The following MPDZ variants were observed in gnomAD, a reference collection of about 807,000 sequenced individuals.
MPDZ encodes multiple PDZ domain crumbs cell polarity complex component, also known as multiple PDZ domain protein.
Under a neutral mutation model 239.1 loss-of-function variants are expected in MPDZ, and 234 were observed. That is an observed-to-expected ratio of 0.98 (90% CI 0.88 to 1.09). The LOEUF is 1.09. MPDZ is among the 50% of genes least tolerant of loss of function. The pLI is 0.00. For missense variants in MPDZ, 3,175 were observed against 2,510.0 expected, an observed-to-expected ratio of 1.26 and a Z score of -5.66; for synonymous variants, 1,048 against 881.3, an observed-to-expected ratio of 1.19 and a Z score of -3.35.
chr9:13,109,728 A>C (rs575266475), intron 45 of MPDZ, among the ~76,000 whole-genome samples: 2 of 152,210 alleles, frequency 1.3e-5, no homozygotes, highest in Non-Finnish European at 2.9e-5. Context: ...AGTAGCACGC[A>C]TATCTATCTA....
intron 43 of MPDZ, among the ~76,000 whole-genome samples, chr9:13,111,277 G>C (rs937452065): frequency 6.6e-6 from 1 of 152,272 alleles, no homozygotes; most frequent in Non-Finnish European, 1.5e-5. Flanking sequence ...AAAATATTCA[G>C]TATCTGTCCT....
In MPDZ at chr9:13,126,664, G is replaced by GA. The variant is rs1210741226; in HGVS notation, c.4557+15dup. ...CTCCCCAACTACTTAATGACAGCAA[G>GA]AAAGGTAAACCTCACCGTGGCTGCT... On this transcript the variant is annotated intron_variant, in intron 33 of 46. Transcript: ENST00000319217. The GA allele has an allele frequency of 4.3e-6, 7 of 1,612,818 alleles. No individual in the cohort carries two copies. The highest frequency in any genetic ancestry group is 5.1e-6 in the Non-Finnish European group (6 of 1,179,038).
chr9:13,222,284 T>A lies in MPDZ; in HGVS notation c.696A>T (p.Ile232=). 6.2e-7 allele frequency: 1 copy of A among 1,612,872 alleles called. No individual in the cohort carries two copies. Among genetic ancestry groups the A allele is most frequent in the Non-Finnish European group, 8.5e-7 (1 of 1,179,258 alleles). ...RGSLPQLVSP[I]VSRSPSAAST... ...TGGCTGCAGATGGAGAACGGGAAAC[T>A]ATGGGGCTGACAAGCTGAGGCAATG... Residue 232 remains isoleucine (I), a synonymous_variant, in exon 6 of 47, where the codon ATA becomes ATT. Coordinates refer to ENST00000319217, the MANE Select transcript of MPDZ (RefSeq NM_001378778.1).
chr9:13,143,405 T>C, intron 27 of MPDZ, 61 bp downstream of exon 27: 6 of 1,270,156 alleles, frequency 4.7e-6, no homozygotes, highest in Non-Finnish European at 6.9e-6. Flanking sequence ...GACACAGTAG[T>C]AACAAAGAAC....
At chr9:13,213,396 A>G (rs1235193049) in intron 10 of MPDZ, among the ~76,000 whole-genome samples, 1 of 152,010 alleles carries the variant, frequency 6.6e-6, no homozygotes, top group African/African-American at 2.4e-5. Flanking sequence ...TAATCTCATC[A>G]CTTCAACAAC....
intron 1 of MPDZ, among the ~76,000 whole-genome samples, chr9:13,270,969 G>A (rs577394875): frequency 1.4e-3 from 215 of 152,234 alleles, no homozygotes; most frequent in Non-Finnish European, 2.3e-3. Flanking sequence ...GCAAGTGGGT[G>A]AGGAATATTT....
intron 21 of MPDZ, among the ~76,000 whole-genome samples, chr9:13,174,544 A>C (rs1167025700): frequency 6.6e-6 from 1 of 152,186 alleles, no homozygotes; most frequent in Non-Finnish European, 1.5e-5. Flanking sequence ...TGAGATGTAA[A>C]AAGAAACCCG....
intron 1 of MPDZ, among the ~76,000 whole-genome samples, chr9:13,252,811 T>G (rs1031139725): frequency 2.6e-5 from 4 of 152,038 alleles, no homozygotes; most frequent in African/African-American, 9.7e-5. Flanking sequence ...GCTACAAAAG[T>G]ATGTTTAATC....
intron 32 of MPDZ, among the ~76,000 whole-genome samples, chr9:13,131,654 C>T (rs1254369122): frequency 2.0e-5 from 3 of 152,160 alleles, no homozygotes; most frequent in Non-Finnish European, 2.9e-5. Context: ...AATTCTGAGA[C>T]GTGACCAGCT....
rs566405556 is a variant in MPDZ at position 13,252,395 on chromosome 9, G to A, written c.-57-2023C>T. Among the ~76,000 whole-genome samples, 11 of 150,914 alleles carry A rather than the reference G, an allele frequency of 7.3e-5. No individual in the cohort carries two copies. In the South Asian group the frequency reaches 2.3e-3, roughly 32 times the overall value. On this transcript the variant is annotated intron_variant, in intron 1 of 46. Coordinates refer to ENST00000319217, the MANE Select transcript of MPDZ (RefSeq NM_001378778.1). ...ATCCTGGCCAACATGGTGAAACCCT[G>A]TCTCTACTAAAAATACAAAAATTAG...
rs147691591 is a variant in MPDZ at position 13,175,036 on chromosome 9, C to CAG, written c.3055+714_3055+715dup. Among the ~76,000 whole-genome samples the CAG allele has an allele frequency of 7.3e-3, 1,116 of 152,240 alleles. 16 individuals are homozygous for CAG. The highest frequency in any genetic ancestry group is 0.026 in the African/African-American group (1,069 of 41,542). The stretch of plus-strand genomic sequence containing the variant: ...AAAGGATCTCTGATGCTGAATTAAC[C>CAG]AGAGTCTTGGGCTGCATTTGGACAC... On this transcript the variant is annotated intron_variant, in intron 21 of 46. Coordinates refer to ENST00000319217, the MANE Select transcript of MPDZ (RefSeq NM_001378778.1).
At chr9:13,216,631 G>T in intron 10 of MPDZ, 143 bp downstream of exon 10, 1 of 546,456 alleles carries the variant, frequency 1.8e-6, no homozygotes, top group Non-Finnish European at 3.2e-6. Context: ...TAATAGAAAG[G>T]GTAATTGTAA....
chr9:13,136,672 AC>A, intron 30 of MPDZ, 39 bp downstream of exon 30: 1 of 1,277,344 alleles, frequency 7.8e-7, no homozygotes, highest in Non-Finnish European at 1.1e-6. Context: ...AGAAATGCTA[AC>A]AAAAAGTATT....
chr9:13,142,325 C>T (rs1947827740), intron 27 of MPDZ, among the ~76,000 whole-genome samples: 1 of 152,050 alleles, frequency 6.6e-6, no homozygotes. Context: ...AAATGGTGCC[C>T]TAACCTACCT....
chr9:13,237,720 T>A (rs962665133), intron 3 of MPDZ, among the ~76,000 whole-genome samples: 2 of 152,116 alleles, frequency 1.3e-5, no homozygotes, highest in Admixed American at 6.6e-5. Context: ...ATAATAAAAT[T>A]TGAGCTTTCA....
chr9:13,159,632 G>T (rs1025823303), intron 23 of MPDZ, among the ~76,000 whole-genome samples: 1 of 152,088 alleles, frequency 6.6e-6, no homozygotes, highest in Non-Finnish European at 1.5e-5. Context: ...GGCAGGGGAT[G>T]GGGGGAGGTC....
chr9:13,206,058 T>C lies in MPDZ; in HGVS notation c.1332A>G (p.Ala444=), dbSNP rs923483393. 4.3e-6 allele frequency: 7 copies of C among 1,611,728 alleles called. No homozygotes were observed. The African/African-American group carries it at 5.4e-5, about 12-fold the overall frequency. The change falls in exon 11 of 47, where the codon GCA becomes GCG. Residue 444 remains alanine, a synonymous_variant. Coordinates refer to ENST00000319217, the MANE Select transcript of MPDZ (RefSeq NM_001378778.1). ...GTCCTGTATGTCGCAATACCTCTAC[T>C]GCTTGCTGATTAGTAAAACCCTGAA... ...TNLQGFTNQQ[A]VEVLRHTGQT...
At chr9:13,256,424 A>G (rs1021521682) in intron 1 of MPDZ, among the ~76,000 whole-genome samples, 1 of 152,212 alleles carries the variant, frequency 6.6e-6, no homozygotes, top group Non-Finnish European at 1.5e-5. Flanking sequence ...CTTTCAGCCT[A>G]TCTCTACTTT....
intron 13 of MPDZ, among the ~76,000 whole-genome samples, chr9:13,194,100 A>G (rs1335514210): frequency 1.3e-5 from 2 of 152,158 alleles, no homozygotes; most frequent in African/African-American, 2.4e-5. Context: ...AATAATGTCC[A>G]TTAGTCAGTC....
Sources: gnomAD v4.1 joint callset for allele counts (sites outside exome capture counted in the v4.1 genomes callset) on GRCh38, gnomAD v4.1.1 for gene constraint, MANE v1.5 for transcripts, NCBI Gene and HGNC (gene_info 2026-07-23, HGNC 2026-07-21) for gene names.